The following RAB38 variants were observed in gnomAD, a reference collection of about 807,000 sequenced individuals.
RAB38 encodes RAB38, member RAS oncogene family.
A neutral mutation model predicts 18.4 loss-of-function variants in RAB38; 15 were observed. The observed-to-expected ratio is 0.82, with a 90% CI of 0.55 to 1.26. RAB38 has a LOEUF of 1.26. Among genes scored for constraint, RAB38 ranks in the 50% most tolerant of loss-of-function variants. The pLI, the probability that RAB38 is intolerant of heterozygous loss-of-function variation, is 0.00. For synonymous variants in RAB38, 101 were observed against 104.4 expected, an observed-to-expected ratio of 0.97 and a Z score of 0.20; for missense variants, 294 against 267.4, an observed-to-expected ratio of 1.10 and a Z score of -0.69.
intron 1 of RAB38, among the ~76,000 whole-genome samples, chr11:88,153,503 G>A (rs1943088100): frequency 2.0e-5 from 3 of 152,116 alleles, no homozygotes; most frequent in Admixed American, 6.6e-5. Context: ...CACTGCTCCT[G>A]CTCCACCTCA....
the RAB38 span, among the ~76,000 whole-genome samples, chr11:87,803,859 A>G: frequency 1.3e-5 from 2 of 152,230 alleles, no homozygotes; most frequent in Admixed American, 1.3e-4. Context: ...AAAACTCAGC[A>G]AAGCAAATTC....
chr11:87,915,359 C>A, the RAB38 span, among the ~76,000 whole-genome samples: 2 of 152,082 alleles, frequency 1.3e-5, no homozygotes, highest in East Asian at 3.9e-4. Flanking sequence ...AAACAGGTTG[C>A]AGTAAAGAAG....
chr11:88,053,433 AAT>A, the RAB38 span, among the ~76,000 whole-genome samples: 96 of 123,786 alleles, frequency 7.8e-4, 7 homozygotes, highest in African/African-American at 2.8e-3. Flanking sequence ...ATATATATGG[AAT>A]ATATATATAT....
the RAB38 span, among the ~76,000 whole-genome samples, chr11:88,052,417 G>C: frequency 1.8e-3 from 281 of 152,074 alleles, 2 homozygotes; most frequent in African/African-American, 6.3e-3. Context: ...CAAATATTTT[G>C]GTATACGGCC....
chr11:87,955,813 G>A, the RAB38 span, among the ~76,000 whole-genome samples: 1 of 151,676 alleles, frequency 6.6e-6, no homozygotes, highest in East Asian at 1.9e-4. Context: ...ACACTGTGGG[G>A]TCATGCCTCA....
the RAB38 span, among the ~76,000 whole-genome samples, chr11:87,865,198 A>G: frequency 3.3e-5 from 5 of 151,648 alleles, no homozygotes; most frequent in Non-Finnish European, 5.9e-5. Context: ...AGATGTCCAT[A>G]TACTCATGCC....
the RAB38 span, among the ~76,000 whole-genome samples, chr11:87,915,862 G>A: frequency 3.0e-4 from 45 of 152,170 alleles, no homozygotes; most frequent in African/African-American, 1.0e-3. Context: ...GAGGCCTTGG[G>A]AGTCCACCCC....
chr11:87,821,726 C>A, the RAB38 span, among the ~76,000 whole-genome samples: 1 of 151,820 alleles, frequency 6.6e-6, no homozygotes, highest in East Asian at 1.9e-4. Flanking sequence ...TGGTGGGTAC[C>A]TGTAATCTCA....
chr11:88,031,848 A>G, the RAB38 span, among the ~76,000 whole-genome samples: 1 of 152,212 alleles, frequency 6.6e-6, no homozygotes, highest in Non-Finnish European at 1.5e-5. Context: ...GAAGCTACCA[A>G]TGACTTTCTT....
At chr11:87,969,139 T>C in the RAB38 span, among the ~76,000 whole-genome samples, 638 of 152,232 alleles carry the variant, frequency 4.2e-3, 3 homozygotes, top group African/African-American at 0.014. Context: ...AGGAAGAAGA[T>C]AAAAAGTTAC....
the RAB38 span, among the ~76,000 whole-genome samples, chr11:88,024,639 T>C: frequency 3.3e-5 from 5 of 151,936 alleles, no homozygotes; most frequent in Non-Finnish European, 7.4e-5. Flanking sequence ...ACCCTAAGAG[T>C]CCATTAGCAG....
At chr11:87,914,754 C>T in the RAB38 span, among the ~76,000 whole-genome samples, 3 of 152,190 alleles carry the variant, frequency 2.0e-5, no homozygotes, top group African/African-American at 7.2e-5. Flanking sequence ...TTTTAGAGGA[C>T]AGGCCTGAGG....
chr11:88,035,659 G>A, the RAB38 span, among the ~76,000 whole-genome samples: 1 of 152,302 alleles, frequency 6.6e-6, no homozygotes, highest in East Asian at 1.9e-4. Context: ...ACATTTTCTT[G>A]AGTTTTCTTT....
At chr11:87,934,059 A>G in the RAB38 span, among the ~76,000 whole-genome samples, 5 of 152,108 alleles carry the variant, frequency 3.3e-5, no homozygotes, top group African/African-American at 9.7e-5. Flanking sequence ...TACACAGCCA[A>G]TAACCTTCCA....
chr11:87,808,710 C>T, the RAB38 span, among the ~76,000 whole-genome samples: 144,835 of 152,284 alleles, frequency 0.95, 68,929 homozygotes, highest in East Asian at 1. Context: ...TTACTTTAGC[C>T]ATAATACAAT....
At chr11:88,013,497 A>G in the RAB38 span, among the ~76,000 whole-genome samples, 1 of 152,158 alleles carries the variant, frequency 6.6e-6, no homozygotes, top group Admixed American at 6.6e-5. Flanking sequence ...ACCAATTGAG[A>G]ATGACTAATA....
chr11:88,079,795 AT>A, the RAB38 span, among the ~76,000 whole-genome samples: 20 of 151,924 alleles, frequency 1.3e-4, no homozygotes, highest in African/African-American at 3.9e-4. Flanking sequence ...AAGAAAAAAA[AT>A]ATAGTAATCT....
chr11:88,140,502 G>T (rs1942897735), intron 2 of RAB38, among the ~76,000 whole-genome samples: 1 of 152,244 alleles, frequency 6.6e-6, no homozygotes, highest in African/African-American at 2.4e-5. Flanking sequence ...CATTGTGCTG[G>T]GTAATGACCA....
At chr11:87,890,175 A>G in the RAB38 span, among the ~76,000 whole-genome samples, 1 of 152,036 alleles carries the variant, frequency 6.6e-6, no homozygotes, top group South Asian at 2.1e-4. Context: ...GAAAAACTAT[A>G]AAATCTCACA....
Sources: allele counts gnomAD v4.1 joint callset (sites outside exome capture counted in the v4.1 genomes callset), GRCh38; gene constraint gnomAD v4.1.1; transcripts MANE v1.5; gene names NCBI Gene and HGNC (gene_info 2026-07-23, HGNC 2026-07-21).